The following CPED1 variants were observed in gnomAD, a reference collection of about 807,000 sequenced individuals.
CPED1 encodes the protein cadherin like and PC-esterase domain containing 1.
A neutral mutation model predicts 128.2 loss-of-function variants in CPED1; 114 were observed. The observed-to-expected ratio is 0.89, with a 90% CI of 0.76 to 1.04. The LOEUF is 1.04. Ranked by LOEUF, CPED1 falls within the 50% of genes least tolerant of loss-of-function variation. The pLI, the probability that CPED1 is intolerant of heterozygous loss-of-function variation, is 0.00. For missense variants in CPED1, 1,211 were observed against 1,207.1 expected (o/e 1.00, Z -0.05); for synonymous variants, 462 against 426.7 (o/e 1.08, Z -1.02).
chr7:121,212,943 G>A (rs1399478942), intron 16 of CPED1, among the ~76,000 whole-genome samples: 1 of 151,976 alleles, frequency 6.6e-6, no homozygotes, highest in Non-Finnish European at 1.5e-5. Context: ...TGCATGAAGT[G>A]GAAAGATGCG....
At chr7:121,046,604 A>C (rs530895304) in intron 3 of CPED1, among the ~76,000 whole-genome samples, 2 of 152,104 alleles carry the variant, frequency 1.3e-5, no homozygotes, top group African/African-American at 4.8e-5. Flanking sequence ...TCAATCTTTT[A>C]AATGAATTTT....
At chr7:121,075,876 G>A (rs972810313) in intron 5 of CPED1, among the ~76,000 whole-genome samples, 4 of 151,750 alleles carry the variant, frequency 2.6e-5, no homozygotes, top group East Asian at 1.9e-4. Flanking sequence ...TTAAAAAATC[G>A]TTGCAAATTT....
At chr7:121,073,273 G>A (rs1794039618) in intron 5 of CPED1, among the ~76,000 whole-genome samples, 1 of 152,162 alleles carries the variant, frequency 6.6e-6, no homozygotes, top group Admixed American at 6.5e-5. Context: ...TTAAGTGGAA[G>A]TGGATCATCA....
At chr7:121,285,254 C>G (rs2116779153) in intron 22 of CPED1, among the ~76,000 whole-genome samples, 1 of 152,300 alleles carries the variant, frequency 6.6e-6, no homozygotes, top group Admixed American at 6.5e-5. Flanking sequence ...CTGCACAGAG[C>G]ATGAGGCCTT....
chr7:121,167,984 C>T (rs1024320057), intron 16 of CPED1, among the ~76,000 whole-genome samples: 5 of 152,048 alleles, frequency 3.3e-5, no homozygotes, highest in African/African-American at 9.7e-5. Flanking sequence ...CCGCCCGCCT[C>T]GGCCTCCCAA....
chr7:121,073,784 C>G (rs757716283), intron 5 of CPED1, among the ~76,000 whole-genome samples: 6 of 146,402 alleles, frequency 4.1e-5, no homozygotes, highest in Non-Finnish European at 6.0e-5. Flanking sequence ...AGATCCATAT[C>G]TTGAAACCCT....
At position 121,295,501 on chromosome 7, in the gene CPED1, A is replaced by G. The variant is rs754137127; in HGVS notation, c.2930A>G (p.His977Arg). 5 of 1,613,986 alleles carry G rather than the reference A, an allele frequency of 3.1e-6. No individual in the cohort carries two copies. The highest frequency in any genetic ancestry group is 1.1e-5 in the South Asian group (1 of 91,082). Residue 977 changes from histidine to arginine, a missense_variant, in exon 23 of 23, where the codon CAT (histidine) becomes CGT (arginine). Coordinates refer to ENST00000310396, the MANE Select transcript of CPED1 (RefSeq NM_024913.5). ...ATTAAAATGAAAAGATCAAGAAATC[A>G]TATCATGGGAAGATATTTCAGCAAT... ...NFIKMKRSRN[H>R]IMGRYFSNQS...
At chr7:121,123,234 A>C (rs1795429085) in intron 7 of CPED1, among the ~76,000 whole-genome samples, 1 of 152,176 alleles carries the variant, frequency 6.6e-6, no homozygotes, top group African/African-American at 2.4e-5. Flanking sequence ...TCTGTTTTCA[A>C]CTGGAAAGTT....
intron 2 of CPED1, among the ~76,000 whole-genome samples, chr7:120,991,958 C>T (rs747240669): frequency 2.8e-4 from 43 of 151,928 alleles, no homozygotes; most frequent in Non-Finnish European, 5.7e-4. Context: ...TTATTTGAGA[C>T]AGAAAGGAAG....
intron 10 of CPED1, among the ~76,000 whole-genome samples, 159 bp from the exon 11 acceptor site, chr7:121,128,223 A>G (rs921010447): frequency 2.4e-4 from 36 of 152,186 alleles, no homozygotes; most frequent in Non-Finnish European, 2.5e-4. Context: ...TTCAGACACC[A>G]CTGTGACAAG....
At chr7:121,152,920 T>C (rs1446971492) in intron 16 of CPED1, among the ~76,000 whole-genome samples, 1 of 152,178 alleles carries the variant, frequency 6.6e-6, no homozygotes, top group Non-Finnish European at 1.5e-5. Flanking sequence ...AAATTTTGCC[T>C]TAAACATGTA....
chr7:121,231,806 A>G (rs1310062877), intron 16 of CPED1, among the ~76,000 whole-genome samples: 2 of 152,190 alleles, frequency 1.3e-5, no homozygotes, highest in African/African-American at 4.8e-5. Context: ...GAAGAAAAGT[A>G]TATTTTATTT....
chr7:121,270,825 T>C (rs1792215896), intron 21 of CPED1, among the ~76,000 whole-genome samples: 1 of 152,144 alleles, frequency 6.6e-6, no homozygotes, highest in Non-Finnish European at 1.5e-5. Flanking sequence ...TTGGCTTTAT[T>C]CTTTTTGTTT....
Position 121,236,813 on chromosome 7 carries a change from C to A in CPED1, c.2155C>A (p.Pro719Thr). 1 of 1,587,952 alleles carries A rather than the reference C, an allele frequency of 6.3e-7. No individual in the cohort carries two copies. Among genetic ancestry groups the A allele is most frequent in the Non-Finnish European group, 8.6e-7 (1 of 1,162,364 alleles). ...TTTACAGTCTGAACTAAAAAGATGT[C>A]CATCTGGGGACATGAAAGGTGACTA... ...AILQSELKRC[P>T]SGDMKGQWIV... The change falls in exon 17 of 23, where the codon CCA becomes ACA. Residue 719 changes from proline to threonine, a missense_variant. Transcript: ENST00000310396.
At chr7:121,201,670 G>C (rs1039326077) in intron 16 of CPED1, among the ~76,000 whole-genome samples, 3 of 152,030 alleles carry the variant, frequency 2.0e-5, no homozygotes, top group Non-Finnish European at 4.4e-5. Context: ...AAGCCCTCTA[G>C]GAATCTAATT....
intron 3 of CPED1, among the ~76,000 whole-genome samples, chr7:121,035,350 T>C (rs1792857476): frequency 6.6e-6 from 1 of 152,174 alleles, no homozygotes; most frequent in African/African-American, 2.4e-5. Context: ...TAGAAGACTT[T>C]GCAGAGATGA....
At chr7:121,280,051 C>T (rs1321873051) in intron 22 of CPED1, among the ~76,000 whole-genome samples, 1 of 152,100 alleles carries the variant, frequency 6.6e-6, no homozygotes, top group Non-Finnish European at 1.5e-5. Flanking sequence ...TGTTAGTCCC[C>T]ACACAAATTG....
intron 5 of CPED1, among the ~76,000 whole-genome samples, chr7:121,073,971 C>G (rs887048304): frequency 6.6e-6 from 1 of 152,086 alleles, no homozygotes; most frequent in African/African-American, 2.4e-5. Context: ...TCTATAGCAA[C>G]AGTGGCATCT....
intron 16 of CPED1, among the ~76,000 whole-genome samples, chr7:121,213,604 G>A (rs1001369863): frequency 1.3e-5 from 2 of 151,988 alleles, no homozygotes; most frequent in Admixed American, 1.3e-4. Flanking sequence ...ATGTCAATAA[G>A]ATGTGACTAC....
Sources: allele counts gnomAD v4.1 joint callset (sites outside exome capture counted in the v4.1 genomes callset), GRCh38; gene constraint gnomAD v4.1.1; transcripts MANE v1.5; gene names NCBI Gene and HGNC (gene_info 2026-07-23, HGNC 2026-07-21).